Variants in ALK observed in about 807,000 individuals in gnomAD.
The protein encoded by ALK is ALK receptor tyrosine kinase, also known as ALK tyrosine kinase receptor.
ALK carries 74 observed loss-of-function variants against 163.1 expected under a neutral mutation model. The observed-to-expected ratio is 0.45, with a 90% CI of 0.38 to 0.55. The LOEUF (loss-of-function observed/expected upper bound fraction) is 0.55. ALK is among the 20% of genes least tolerant of loss of function. The pLI is 0.00. For missense variants in ALK, 2,063 were observed against 2,105.3 expected, an observed-to-expected ratio of 0.98 and a Z score of 0.39; for synonymous variants, 960 against 843.2, an observed-to-expected ratio of 1.14 and a Z score of -2.40.
intron 4 of ALK, among the ~76,000 whole-genome samples, chr2:29,455,547 T>A (rs1254740325): frequency 6.6e-6 from 1 of 152,204 alleles, no homozygotes; most frequent in Non-Finnish European, 1.5e-5. Context: ...TCTATTTCTG[T>A]CTCTTTTTCT....
chr2:29,666,031 C>T (rs563354503), intron 3 of ALK, among the ~76,000 whole-genome samples: 8 of 152,118 alleles, frequency 5.3e-5, no homozygotes, highest in Admixed American at 1.3e-4. Context: ...CCGAAGTTCA[C>T]GCAACAGTGC....
Position 29,227,497 on chromosome 2 carries a change from T to C in ALK, c.2914+77A>G. ...TGTGCCTCTGTATCCTGGATACAGG[T>C]CAGAGACTCTGAGGTTTTAGCTTGG... On this transcript the variant is annotated intron_variant, in intron 17 of 28. Coordinates refer to ENST00000389048, the MANE Select transcript of ALK (RefSeq NM_004304.5). The surrounding 1 kb of genome is among the most constrained non-coding windows in gnomAD (Gnocchi z 4.4). 1 of 1,259,416 alleles carries C rather than the reference T, an allele frequency of 7.9e-7. No homozygotes were observed. The highest frequency in any genetic ancestry group is 1.5e-5 in the African/African-American group (1 of 68,030). The allele number at this position is 1,259,416 out of a possible 1,614,324, so 78.0% of individuals were successfully genotyped here.
At chr2:29,451,463 TCTC>T (rs1348859633) in intron 4 of ALK, among the ~76,000 whole-genome samples, 1 of 152,034 alleles carries the variant, frequency 6.6e-6, no homozygotes, top group Non-Finnish European at 1.5e-5. Flanking sequence ...CCTTTCACAT[TCTC>T]CTACACACAC....
chr2:29,390,120 C>T (rs1669128381), intron 4 of ALK, among the ~76,000 whole-genome samples: 1 of 152,160 alleles, frequency 6.6e-6, no homozygotes, highest in Admixed American at 6.5e-5. Context: ...CTTTAGAACA[C>T]CATTTTATTC....
At chr2:29,265,969 G>C (rs952430341) in intron 11 of ALK, among the ~76,000 whole-genome samples, 1 of 152,162 alleles carries the variant, frequency 6.6e-6, no homozygotes, top group Non-Finnish European at 1.5e-5. Context: ...TGGGTGACAA[G>C]AGCGAAACTC....
intron 2 of ALK, among the ~76,000 whole-genome samples, chr2:29,715,446 C>T (rs1371344014): frequency 2.6e-5 from 4 of 152,178 alleles, no homozygotes; most frequent in African/African-American, 7.2e-5. Context: ...TGCCATTTCA[C>T]CCTCATTTTA....
intron 9 of ALK, among the ~76,000 whole-genome samples, chr2:29,288,951 C>CAAAAAAAAAAAAA (rs770578645): frequency 9.1e-4 from 22 of 24,198 alleles, no homozygotes; most frequent in Non-Finnish European, 2.7e-3. Flanking sequence ...GACTCCTTCT[C>CAAAAAAAAAAAAA]AAAAAAATAA....
intron 4 of ALK, among the ~76,000 whole-genome samples, chr2:29,502,593 C>G (rs568945929): frequency 2.0e-5 from 3 of 152,150 alleles, no homozygotes; most frequent in Admixed American, 6.5e-5. Flanking sequence ...TTATCAAGGG[C>G]TTGGTATTAA....
At chr2:29,513,108 C>T (rs1263107416) in intron 4 of ALK, among the ~76,000 whole-genome samples, 2 of 151,346 alleles carry the variant, frequency 1.3e-5, no homozygotes, top group Non-Finnish European at 2.9e-5. Flanking sequence ...CCGTCCCCAT[C>T]AAGCTACCAA....
At chr2:29,194,788 G>C (rs887897691) in intron 28 of ALK, among the ~76,000 whole-genome samples, 5 of 152,046 alleles carry the variant, frequency 3.3e-5, no homozygotes, top group African/African-American at 1.2e-4. Flanking sequence ...AGAGTGCTGG[G>C]ATTACAGGCA....
chr2:29,803,835 G>A (rs1664544148), intron 1 of ALK, among the ~76,000 whole-genome samples: 1 of 152,156 alleles, frequency 6.6e-6, no homozygotes, highest in Non-Finnish European at 1.5e-5. Context: ...CATAAAAGAC[G>A]CTGTTCTCCA....
chr2:29,634,831 G>T (rs2879505), intron 3 of ALK, among the ~76,000 whole-genome samples: 96,531 of 151,976 alleles, frequency 0.64, 31,657 homozygotes, highest in Middle Eastern at 0.75. Context: ...ATATATATCA[G>T]AAAGGAATAA....
intron 4 of ALK, among the ~76,000 whole-genome samples, chr2:29,511,372 C>T (rs1172324667): frequency 3.3e-5 from 5 of 152,182 alleles, no homozygotes; most frequent in African/African-American, 1.2e-4. Context: ...TCTGGAATTA[C>T]ATATAAATGG....
At chr2:29,776,297 T>TCC in intron 1 of ALK, among the ~76,000 whole-genome samples, 1 of 150,560 alleles carries the variant, frequency 6.6e-6, no homozygotes, top group African/African-American at 2.4e-5. Flanking sequence ...AACTGGCTAT[T>TCC]TAGGCATAAG....
intron 3 of ALK, among the ~76,000 whole-genome samples, chr2:29,613,920 G>T (rs546895289): frequency 8.5e-5 from 13 of 152,102 alleles, no homozygotes; most frequent in African/African-American, 2.9e-4. Context: ...AAAAAGGGGG[G>T]GTTCTACAGC....
chr2:29,516,991 ATTTTGAG>A (rs1672687364), intron 4 of ALK, among the ~76,000 whole-genome samples: 1 of 152,228 alleles, frequency 6.6e-6, no homozygotes, highest in African/African-American at 2.4e-5. Context: ...CATGACACTA[ATTTTGAG>A]TTTTAATTTG....
chr2:29,383,849 G>A lies in ALK; in HGVS notation c.1165C>T (p.Leu389Phe), dbSNP rs2148301774. 1.9e-6 allele frequency: 3 copies of A among 1,614,116 alleles called. No individual in the cohort carries two copies. The highest frequency in any genetic ancestry group is 2.5e-6 in the Non-Finnish European group (3 of 1,179,990). ...PTPGKHGWTV[L>F]QGRIGRPDNP... ...TCTGGACGCCCGATTCTTCCCTGGAGCACTGTCCAACTGGTTGCATTGGAA... is the reference window on the plus strand; with the variant it reads ...TCTGGACGCCCGATTCTTCCCTGGAACACTGTCCAACTGGTTGCATTGGAA... Residue 389 changes from leucine to phenylalanine, a missense_variant, in exon 5 of 29, where the codon CTC (leucine) becomes TTC (phenylalanine). Leu to Phe is a conservative substitution (Grantham distance 22, BLOSUM62 0). This residue lies in a region of ALK where 987 missense variants were observed against 939.5 expected (regional missense o/e 1.05). Transcript: ENST00000389048.
chr2:29,383,709 G>A (rs368426173), intron 5 of ALK, 23 bp downstream of exon 5: 298 of 1,613,790 alleles, frequency 1.8e-4, no homozygotes, highest in Non-Finnish European at 2.3e-4. Flanking sequence ...ACCAAGGAGC[G>A]TGGGAAAGCC....
intron 1 of ALK, among the ~76,000 whole-genome samples, chr2:29,724,153 T>C (rs1313438751): frequency 6.6e-6 from 1 of 152,204 alleles, no homozygotes; most frequent in African/African-American, 2.4e-5. Context: ...GGCAAGCATG[T>C]TTTACAAACC....
Sources: gnomAD v4.1 joint callset for allele counts (sites outside exome capture counted in the v4.1 genomes callset) on GRCh38, gnomAD v4.1.1 for gene constraint, gnomAD v4.1.1 regional missense constraint, Gnocchi (gnomAD v3.1) non-coding constraint, MANE v1.5 for transcripts, NCBI Gene and HGNC (gene_info 2026-07-23, HGNC 2026-07-21) for gene names.